The following AFAP1L2 variants were observed in gnomAD, a reference collection of about 807,000 sequenced individuals.
The protein encoded by AFAP1L2 is actin filament-associated protein 1-like 2.
Under a neutral mutation model 99.3 loss-of-function variants are expected in AFAP1L2, and 46 were observed. That is an observed-to-expected ratio of 0.46 (90% CI 0.37 to 0.59). AFAP1L2 has a LOEUF of 0.59. AFAP1L2 is among the 20% of genes least tolerant of loss of function. AFAP1L2 has a pLI of 0.00. For missense variants in AFAP1L2, 959 were observed against 1,034.9 expected, an observed-to-expected ratio of 0.93 and a Z score of 1.01; for synonymous variants, 397 against 419.1, an observed-to-expected ratio of 0.95 and a Z score of 0.64.
intron 1 of AFAP1L2, among the ~76,000 whole-genome samples, chr10:114,356,292 A>C (rs1399649604): frequency 6.6e-6 from 1 of 152,230 alleles, no homozygotes; most frequent in African/African-American, 2.4e-5. Flanking sequence ...TAAACAGATA[A>C]TGAGTCGCCT....
At chr10:114,328,392 C>G (rs2046725759) in intron 4 of AFAP1L2, among the ~76,000 whole-genome samples, 1 of 152,222 alleles carries the variant, frequency 6.6e-6, no homozygotes, top group Non-Finnish European at 1.5e-5. Flanking sequence ...AGCCCAGGGC[C>G]AGGCAGCTGT....
chr10:114,367,393 G>C (rs1342676963), intron 1 of AFAP1L2, among the ~76,000 whole-genome samples: 1 of 152,152 alleles, frequency 6.6e-6, no homozygotes, highest in African/African-American at 2.4e-5. Context: ...TAAAATGCCA[G>C]GGGAAATATT....
intron 1 of AFAP1L2, among the ~76,000 whole-genome samples, chr10:114,386,776 A>T (rs1478306101): frequency 6.6e-6 from 1 of 152,228 alleles, no homozygotes; most frequent in Non-Finnish European, 1.5e-5. Context: ...GCACATCCCC[A>T]GGCAGATGTT....
intron 1 of AFAP1L2, among the ~76,000 whole-genome samples, chr10:114,395,628 G>C (rs1422103906): frequency 6.6e-6 from 1 of 152,298 alleles, no homozygotes; most frequent in African/African-American, 2.4e-5. Context: ...AAAAAAACGG[G>C]GGGTGGAGGA....
Position 114,300,665 on chromosome 10 carries a change from G to A in AFAP1L2, c.1568C>T (p.Pro523Leu). 2 of 1,603,788 alleles carry A rather than the reference G, an allele frequency of 1.2e-6. No homozygotes were observed. Among genetic ancestry groups the A allele is most frequent in the Non-Finnish European group, 1.7e-6 (2 of 1,174,252 alleles). Residue 523 changes from proline to leucine, a missense_variant, in exon 14 of 19, where the codon CCT becomes CTT. Transcript: ENST00000304129. Reference sequence around the variant, plus strand: ...TCTCTCATTTGGGTCATCTGCAACAGGGGTGGCTTCCTCGGTAGGCTCCAC... The same window carrying A: ...TCTCTCATTTGGGTCATCTGCAACAAGGGTGGCTTCCTCGGTAGGCTCCAC... ...AAVEPTEEAT[P>L]VADDPNERES...
At chr10:114,284,784 C>G in the AFAP1L2 span, 1 of 1,376,668 alleles carries the variant, frequency 7.3e-7, no homozygotes, top group Non-Finnish European at 9.8e-7. Context: ...AGGAAGCCAG[C>G]TGCACCCACA....
At chr10:114,287,918 C>T in the AFAP1L2 span, among the ~76,000 whole-genome samples, 1 of 152,126 alleles carries the variant, frequency 6.6e-6, no homozygotes, top group African/African-American at 2.4e-5. Context: ...GAATCCCATC[C>T]AGGACCCCAC....
At chr10:114,289,781 TCC>T in the AFAP1L2 span, 44 of 454,382 alleles carry the variant, frequency 9.7e-5, no homozygotes, top group South Asian at 1.8e-4. Flanking sequence ...TCCACAAGCT[TCC>T]TAAGGGTCTA....
At chr10:114,308,626 A>T (rs1022062440) in intron 8 of AFAP1L2, 109 bp from the exon 9 acceptor site, 17 of 956,986 alleles carry the variant, frequency 1.8e-5, no homozygotes, top group Non-Finnish European at 2.5e-5. Context: ...GCCAGAGGTC[A>T]GCTGAGCAAA....
intron 12 of AFAP1L2, 37 bp from the exon 13 acceptor site, chr10:114,301,502 G>A (rs570615229): frequency 6.7e-5 from 100 of 1,483,216 alleles, no homozygotes; most frequent in South Asian, 3.6e-4. Flanking sequence ...TGAAGCAGCC[G>A]GGGCAGGGTG....
intron 15 of AFAP1L2, 108 bp downstream of exon 15, chr10:114,300,083 TCTC>T (rs2040873377): frequency 1.4e-6 from 2 of 1,448,186 alleles, no homozygotes; most frequent in Non-Finnish European, 1.9e-6. Flanking sequence ...GTGAGTCAAT[TCTC>T]CTTAATAAAC....
At chr10:114,351,353 T>A (rs971883862) in intron 1 of AFAP1L2, among the ~76,000 whole-genome samples, 3 of 152,160 alleles carry the variant, frequency 2.0e-5, no homozygotes, top group African/African-American at 7.2e-5. Flanking sequence ...TTGATATTTG[T>A]ATCAGAGAAA....
chr10:114,341,611 C>A (rs1285585321), intron 1 of AFAP1L2, among the ~76,000 whole-genome samples: 10 of 135,766 alleles, frequency 7.4e-5, no homozygotes, highest in Admixed American at 1.5e-4. Flanking sequence ...GACTCCATCT[C>A]AAAAAAAAAA....
chr10:114,369,011 C>T (rs1470175593), intron 1 of AFAP1L2, among the ~76,000 whole-genome samples: 1 of 152,094 alleles, frequency 6.6e-6, no homozygotes, highest in African/African-American at 2.4e-5. Context: ...AAAACTGATG[C>T]CACTATTTAA....
At chr10:114,384,433 C>T (rs529706076) in intron 1 of AFAP1L2, among the ~76,000 whole-genome samples, 3 of 152,258 alleles carry the variant, frequency 2.0e-5, no homozygotes, top group South Asian at 4.1e-4. Flanking sequence ...CATTTAGGGC[C>T]GCTGTGAGCG....
At position 114,367,712 on chromosome 10, in the gene AFAP1L2, C is replaced by G. The variant is rs368152239; in HGVS notation, c.17-26981G>C. On this transcript the variant is annotated intron_variant, in intron 1 of 18. Coordinates refer to ENST00000304129, the MANE Select transcript of AFAP1L2 (RefSeq NM_001001936.3). Reference sequence around the variant, plus strand: ...TTATTTCAGGTTATTCCAAGCTTTCCCGGGCAAGGAGGCAGAACGGGCAGA... The same window carrying G: ...TTATTTCAGGTTATTCCAAGCTTTCGCGGGCAAGGAGGCAGAACGGGCAGA... Among the ~76,000 whole-genome samples the G allele has an allele frequency of 2.0e-4, 31 of 152,232 alleles. No homozygotes were observed. The South Asian group carries it at 6.2e-3, about 31-fold the overall frequency.
At chr10:114,394,471 C>A (rs556547150) in intron 1 of AFAP1L2, among the ~76,000 whole-genome samples, 10 of 152,286 alleles carry the variant, frequency 6.6e-5, no homozygotes, top group African/African-American at 2.2e-4. Context: ...CTGACTCTAT[C>A]CTCTGTGTCT....
chr10:114,304,257 T>TCC (rs1307564940), intron 11 of AFAP1L2, among the ~76,000 whole-genome samples: 1 of 152,214 alleles, frequency 6.6e-6, no homozygotes, highest in Non-Finnish European at 1.5e-5. Context: ...AAGCGTTATG[T>TCC]CACTTCTTAT....
chr10:114,381,358 T>C (rs994308004), intron 1 of AFAP1L2, among the ~76,000 whole-genome samples: 2 of 152,078 alleles, frequency 1.3e-5, no homozygotes, highest in African/African-American at 4.8e-5. Flanking sequence ...AGTAGATTAG[T>C]AGTTGTTTTA....
Sources: allele counts gnomAD v4.1 joint callset (sites outside exome capture counted in the v4.1 genomes callset), GRCh38; gene constraint gnomAD v4.1.1; transcripts MANE v1.5; gene names NCBI Gene and HGNC (gene_info 2026-07-23, HGNC 2026-07-21).